GSR: variants seen among roughly 807,000 people sequenced by gnomAD.
GSR encodes the protein glutathione reductase, mitochondrial.
Under a neutral mutation model 56.5 loss-of-function variants are expected in GSR, and 48 were observed. That is an observed-to-expected ratio of 0.85 (90% CI 0.67 to 1.08). The LOEUF is 1.08. GSR is among the 50% of genes least tolerant of loss of function. GSR has a pLI of 0.00. For synonymous variants in GSR, 264 were observed against 270.8 expected, an observed-to-expected ratio of 0.97 and a Z score of 0.25; for missense variants, 694 against 703.3, an observed-to-expected ratio of 0.99 and a Z score of 0.15.
At chr8:30,715,095 C>A (rs1303374331) in intron 1 of GSR, among the ~76,000 whole-genome samples, 1 of 151,924 alleles carries the variant, frequency 6.6e-6, no homozygotes, top group African/African-American at 2.4e-5. Flanking sequence ...CTGGGCAACA[C>A]AGTGAGACCC....
chr8:30,700,722 CCAA>C (rs1803704625), intron 5 of GSR, among the ~76,000 whole-genome samples: 1 of 8,440 alleles, frequency 1.2e-4, no homozygotes, highest in African/African-American at 1.7e-4. Context: ...GATTTTGTCT[CCAA>C]AAAAAAAAAA....
chr8:30,719,385 G>A (rs1804452815), intron 1 of GSR, among the ~76,000 whole-genome samples: 1 of 151,826 alleles, frequency 6.6e-6, no homozygotes, highest in Admixed American at 6.6e-5. Context: ...CAAAGTGCTG[G>A]GATTACTGGC....
At chr8:30,721,739 GGACA>G (rs1804544440) in intron 1 of GSR, among the ~76,000 whole-genome samples, 1 of 152,004 alleles carries the variant, frequency 6.6e-6, no homozygotes, top group Non-Finnish European at 1.5e-5. Flanking sequence ...TTGGATTCTT[GGACA>G]GACACGGTGG....
chr8:30,720,720 A>G (rs186470133), intron 1 of GSR, among the ~76,000 whole-genome samples: 9 of 152,122 alleles, frequency 5.9e-5, no homozygotes, highest in Admixed American at 4.6e-4. Context: ...AAGAAAATCA[A>G]TGGATACATT....
chr8:30,687,825 A>G (rs1251460011), intron 9 of GSR, among the ~76,000 whole-genome samples: 1 of 152,210 alleles, frequency 6.6e-6, no homozygotes, highest in African/African-American at 2.4e-5. Flanking sequence ...CTAGGGTCTC[A>G]GTTATAAATT....
chr8:30,696,313 A>G, intron 7 of GSR, 67 bp downstream of exon 7: 2 of 1,111,018 alleles, frequency 1.8e-6, no homozygotes, highest in Admixed American at 3.4e-5. Context: ...TAACGACAAC[A>G]TAAGAAAAAA....
intron 1 of GSR, among the ~76,000 whole-genome samples, chr8:30,723,990 G>A (rs142574886): frequency 2.6e-5 from 4 of 152,244 alleles, no homozygotes; most frequent in Non-Finnish European, 4.4e-5. Flanking sequence ...TGAACCTTCC[G>A]TGTGAGTTCA....
At chr8:30,687,939 G>C (rs1436231643) in intron 9 of GSR, among the ~76,000 whole-genome samples, 1 of 152,090 alleles carries the variant, frequency 6.6e-6, no homozygotes, top group Non-Finnish European at 1.5e-5. Context: ...GAGAAATTAA[G>C]CTGCTTGCTC....
chr8:30,686,890 G>T (rs1803182096), intron 9 of GSR, among the ~76,000 whole-genome samples: 1 of 150,892 alleles, frequency 6.6e-6, no homozygotes, highest in Non-Finnish European at 1.5e-5. Flanking sequence ...GGGCTGGAGT[G>T]CAATGGCGTG....
chr8:30,690,736 C>T (rs574280737), intron 8 of GSR, among the ~76,000 whole-genome samples: 1 of 152,276 alleles, frequency 6.6e-6, no homozygotes, highest in East Asian at 1.9e-4. Context: ...CTTTGTAATT[C>T]TTTCTAACTA....
chr8:30,703,069 A>G, intron 5 of GSR, 24 bp downstream of exon 5: 1 of 1,611,790 alleles, frequency 6.2e-7, no homozygotes, highest in Non-Finnish European at 8.5e-7. Context: ...ACTGCTGTTA[A>G]TGAGTACCTG....
At chr8:30,701,148 C>A (rs368938872) in intron 5 of GSR, among the ~76,000 whole-genome samples, 1 of 152,158 alleles carries the variant, frequency 6.6e-6, no homozygotes, top group East Asian at 1.9e-4. Context: ...CTGTAGCCCC[C>A]CTACCCTCAT....
Position 30,679,080 on chromosome 8 carries a change from C to A in GSR, c.*440G>T. The A allele has an allele frequency of 6.2e-6, 1 of 161,512 alleles. No individual in the cohort carries two copies. The highest frequency in any genetic ancestry group is 1.3e-5 in the Non-Finnish European group (1 of 76,956). 10.0% of individuals were successfully genotyped at this position (161,512 alleles called of 1,614,324 possible). A position where few individuals can be genotyped will look rare whatever the true frequency, so the allele number is the denominator to read the frequency against. ...AGGAGAATCACTTGAACCCAGGAGG[C>A]AGAGGTTGTGGTGAGCTGAAATAGC... On this transcript the variant is annotated 3_prime_UTR_variant, in exon 13 of 13. Transcript: ENST00000221130.
intron 1 of GSR, among the ~76,000 whole-genome samples, chr8:30,720,300 T>C (rs1804489194): frequency 6.6e-6 from 1 of 152,180 alleles, no homozygotes; most frequent in Non-Finnish European, 1.5e-5. Flanking sequence ...GTCGTCCTTC[T>C]TTGCTGCCTA....
intron 2 of GSR, among the ~76,000 whole-genome samples, chr8:30,710,275 T>C (rs1365946158): frequency 6.6e-6 from 1 of 151,992 alleles, no homozygotes; most frequent in Non-Finnish European, 1.5e-5. Flanking sequence ...AAGATCACAC[T>C]GCTGCACTCC....
At chr8:30,705,015 T>C (rs1046084140) in intron 4 of GSR, among the ~76,000 whole-genome samples, 2 of 152,150 alleles carry the variant, frequency 1.3e-5, no homozygotes, top group African/African-American at 4.8e-5. Flanking sequence ...AGGTAATTCC[T>C]TCCCCATAAG....
intron 1 of GSR, among the ~76,000 whole-genome samples, chr8:30,715,749 A>T (rs1221197457): frequency 6.6e-6 from 1 of 152,202 alleles, no homozygotes; most frequent in Non-Finnish European, 1.5e-5. Flanking sequence ...CCCAAGAATC[A>T]TCAAAAGCAA....
In GSR at chr8:30,695,059, T is replaced by C. The variant is rs978968273; in HGVS notation, c.795+1321A>G. Reference sequence around the variant, plus strand: ...GACTGGGTAACATAGCAAGACTCTGTCTCTTAAAAAAAAAAAAAATTTCAA... The same window carrying C: ...GACTGGGTAACATAGCAAGACTCTGCCTCTTAAAAAAAAAAAAAATTTCAA... On this transcript the variant is annotated intron_variant, in intron 7 of 12. Transcript: ENST00000221130. 4.6e-5 allele frequency among the ~76,000 whole-genome samples: 7 copies of C among 151,484 alleles called. No homozygotes were observed. In the East Asian group the frequency reaches 9.8e-4, roughly 21 times the overall value.
chr8:30,713,477 G>C (rs1343108373), intron 1 of GSR, among the ~76,000 whole-genome samples: 9 of 151,928 alleles, frequency 5.9e-5, no homozygotes, highest in Admixed American at 5.9e-4. Flanking sequence ...TCATGCCTCA[G>C]CCTCCCGAGT....
Sources: gnomAD v4.1 joint callset for allele counts (sites outside exome capture counted in the v4.1 genomes callset) on GRCh38, gnomAD v4.1.1 for gene constraint, MANE v1.5 for transcripts, NCBI Gene and HGNC (gene_info 2026-07-23, HGNC 2026-07-21) for gene names.